The following GNL3L variants were observed in gnomAD, a reference collection of about 807,000 sequenced individuals.
The protein encoded by GNL3L is guanine nucleotide-binding protein-like 3-like protein.
A neutral mutation model predicts 42.9 loss-of-function variants in GNL3L; 4 were observed. The ratio of observed to expected loss-of-function variants is 0.09; its 90% CI spans 0.05 to 0.21. The LOEUF (loss-of-function observed/expected upper bound fraction) is 0.21. Among genes scored for constraint, GNL3L ranks in the 10% least tolerant of loss-of-function variants. The probability of loss-of-function intolerance (pLI) is 1.00; values close to 1 mark genes in which losing one functional copy is unlikely to be tolerated. For synonymous variants in GNL3L, 159 were observed against 176.3 expected (o/e 0.90, Z 0.78); for missense variants, 412 against 481.7 (o/e 0.86, Z 1.36).
At chrX:54,610,136 A>G (rs1158239793) in intron 16 of GNL3L, among the ~76,000 whole-genome samples, 1 of 111,346 alleles carries the variant, frequency 9.0e-6, no homozygotes, top group Non-Finnish European at 1.9e-5. Context: ...TAAGTTCTTG[A>G]TTTGATTCTC....
chrX:54,569,225 G>A (rs1293581204), downstream of GNL3L, among the ~76,000 whole-genome samples: 1 of 111,877 alleles, frequency 8.9e-6, no homozygotes, highest in Admixed American at 9.6e-5. Context: ...TCGGGGTAAT[G>A]CTGACCTCAT....
At position 54,532,268 on chromosome X, in the gene GNL3L, C is replaced by T. The variant is rs894452459; in HGVS notation, c.-47-252C>T. ...ATTTGACCCCACTGGGCTCAAAGCC[C>T]AGTGGCTTTGAGCCACTGACTCCAC... On this transcript the variant is annotated intron_variant, in intron 1 of 15. Transcript: ENST00000360845. 3.7e-5 allele frequency among the ~76,000 whole-genome samples: 4 copies of T among 109,485 alleles called. No homozygotes were observed. In the Admixed American group the frequency reaches 3.9e-4, roughly 11 times the overall value.
rs1002806586 is a variant in GNL3L, at chrX:54,561,712, A to G, written c.*1110A>G. Among the ~76,000 whole-genome samples the G allele has an allele frequency of 3.6e-5, 4 of 111,858 alleles. No homozygotes were observed. The highest frequency in any genetic ancestry group is 1.3e-4 in the African/African-American group (4 of 30,764). ...ACCAGCATTTGAATTCCATGGCTCA[A>G]GAGGGTTCTGGTACCATTTATTCAC... On this transcript the variant is annotated 3_prime_UTR_variant, in exon 16 of 16. Transcript: ENST00000360845.
chrX:54,570,393 T>C (rs1925526907), downstream of GNL3L, among the ~76,000 whole-genome samples: 1 of 111,921 alleles, frequency 8.9e-6, no homozygotes, highest in Non-Finnish European at 1.9e-5. Flanking sequence ...TTAACTATGG[T>C]ATATCTTTTT....
At chrX:54,599,430 A>G (rs1257672735) in intron 16 of GNL3L, among the ~76,000 whole-genome samples, 2 of 111,469 alleles carry the variant, frequency 1.8e-5, no homozygotes, top group African/African-American at 3.3e-5. Context: ...TTATCTATCT[A>G]TCTATCTATG....
chrX:54,613,530 G>C (rs1926187468), intron 16 of GNL3L, among the ~76,000 whole-genome samples: 1 of 108,624 alleles, frequency 9.2e-6, no homozygotes, highest in African/African-American at 3.3e-5. Flanking sequence ...ATATTACCAG[G>C]GTTGGTTTTC....
chrX:54,588,611 G>A (rs1455410319), intron 16 of GNL3L, among the ~76,000 whole-genome samples: 1 of 110,498 alleles, frequency 9.0e-6, no homozygotes, highest in African/African-American at 3.3e-5. Flanking sequence ...GATCACTTGA[G>A]GTCAGGAGTT....
chrX:54,554,747 G>T (rs1925037141), intron 14 of GNL3L, 55 bp downstream of exon 14: 2 of 1,101,436 alleles, frequency 1.8e-6, no homozygotes, highest in Admixed American at 4.4e-5. Flanking sequence ...GCTCTGGGAA[G>T]TGGTCAATCC....
intron 16 of GNL3L, among the ~76,000 whole-genome samples, chrX:54,609,613 C>G (rs1475466983): frequency 8.9e-6 from 1 of 111,802 alleles, no homozygotes; most frequent in South Asian, 3.7e-4. Context: ...GCTGTCCTTT[C>G]CCTGCTTTAT....
intron 14 of GNL3L, among the ~76,000 whole-genome samples, chrX:54,557,227 A>C (rs1445610784): frequency 1.8e-5 from 2 of 108,642 alleles, no homozygotes; most frequent in Non-Finnish European, 3.8e-5. Context: ...CTGTCCCAGC[A>C]TTGCCCCACA....
chrX:54,554,189 G>A (rs770647878), intron 13 of GNL3L, among the ~76,000 whole-genome samples: 1 of 111,010 alleles, frequency 9.0e-6, no homozygotes, highest in East Asian at 2.9e-4. Context: ...CCAGGCAAGG[G>A]GCCAGAGAGA....
chrX:54,584,032 C>T (rs1490109255), intron 16 of GNL3L, among the ~76,000 whole-genome samples: 2 of 110,545 alleles, frequency 1.8e-5, no homozygotes, highest in African/African-American at 6.6e-5. Flanking sequence ...GTATGACAGA[C>T]CCACAGCTAG....
At chrX:54,635,975 CG>C in the GNL3L span, among the ~76,000 whole-genome samples, 1 of 111,178 alleles carries the variant, frequency 9.0e-6, no homozygotes, top group Admixed American at 9.6e-5. Context: ...TTTGAATGTC[CG>C]AATTTCTCAA....
chrX:54,573,249 G>A (rs1254312392), intron 16 of GNL3L, among the ~76,000 whole-genome samples: 35 of 113,328 alleles, frequency 3.1e-4, no homozygotes, highest in South Asian at 1.4e-3. Flanking sequence ...ACTCCAGCCT[G>A]GGCGCCATTG....
intron 16 of GNL3L, among the ~76,000 whole-genome samples, chrX:54,581,837 A>G (rs1035356130): frequency 5.4e-5 from 6 of 111,778 alleles, no homozygotes; most frequent in East Asian, 2.8e-4. Flanking sequence ...GCTGATTCCA[A>G]TTTTTTACTG....
Position 54,565,833 on chromosome X carries a change from T to G in GNL3L, c.*5231T>G, listed in dbSNP as rs1466458905. ...TGCTGGATACAGGGGTGTTTTTTTT[T>G]TTTTTTTTTTTTGAAACAGAGTCCT... On this transcript the variant is annotated 3_prime_UTR_variant, in exon 16 of 16. Transcript: ENST00000360845. Among the ~76,000 whole-genome samples, 2 of 104,072 alleles carry G rather than the reference T, an allele frequency of 1.9e-5. No homozygotes were observed. The highest frequency in any genetic ancestry group is 3.9e-5 in the Non-Finnish European group (2 of 51,009). 90.4% of individuals were successfully genotyped at this position (104,072 alleles called of 115,157 possible).
At chrX:54,586,422 C>G (rs1337010986) in intron 16 of GNL3L, among the ~76,000 whole-genome samples, 1 of 111,589 alleles carries the variant, frequency 9.0e-6, no homozygotes, top group African/African-American at 3.3e-5. Context: ...TTTTAAGAGC[C>G]CAGCCCACAG....
intron 16 of GNL3L, among the ~76,000 whole-genome samples, chrX:54,586,496 G>A (rs1166032525): frequency 2.7e-5 from 3 of 111,928 alleles, no homozygotes; most frequent in African/African-American, 9.8e-5. Flanking sequence ...GCAGAGGGGT[G>A]CCTGTGTATT....
At chrX:54,624,236 C>T (rs1926325681), downstream of GNL3L, among the ~76,000 whole-genome samples, 1 of 110,664 alleles carries the variant, frequency 9.0e-6, no homozygotes, top group African/African-American at 3.3e-5. Context: ...TGCATCCAGA[C>T]AGGATATTCT....
Sources: gnomAD v4.1 joint callset for allele counts (sites outside exome capture counted in the v4.1 genomes callset) on GRCh38, gnomAD v4.1.1 for gene constraint, MANE v1.5 for transcripts, NCBI Gene and HGNC (gene_info 2026-07-23, HGNC 2026-07-21) for gene names.